The following ELP3 variants were observed in gnomAD, a reference collection of about 807,000 sequenced individuals.
ELP3 encodes elongator complex protein 3.
Under a neutral mutation model 74.9 loss-of-function variants are expected in ELP3, and 56 were observed. The observed-to-expected ratio is 0.75, with a 90% CI of 0.60 to 0.93. ELP3 has a LOEUF of 0.93. ELP3 is among the 40% of genes least tolerant of loss of function. The probability of loss-of-function intolerance (pLI) is 0.00; values close to 1 mark genes in which losing one functional copy is unlikely to be tolerated. For missense variants in ELP3, 573 were observed against 686.5 expected (o/e 0.83, Z 1.85); for synonymous variants, 222 against 239.8 (o/e 0.93, Z 0.68).
intron 2 of ELP3, among the ~76,000 whole-genome samples, chr8:28,098,236 CTA>C (rs1811334744): frequency 6.6e-6 from 1 of 151,862 alleles, no homozygotes; most frequent in Non-Finnish European, 1.5e-5. Context: ...TATATTCACT[CTA>C]TGTAGATCTT....
chr8:28,179,983 A>G (rs1563291510), intron 14 of ELP3, among the ~76,000 whole-genome samples: 1 of 152,198 alleles, frequency 6.6e-6, no homozygotes. Context: ...TGTTGCAGGT[A>G]AGAAATCAGC....
intron 14 of ELP3, among the ~76,000 whole-genome samples, chr8:28,173,343 T>C (rs1321022488): frequency 6.6e-6 from 1 of 152,032 alleles, no homozygotes; most frequent in Non-Finnish European, 1.5e-5. Context: ...TCAGTTTTTA[T>C]GTTTCTAGAA....
intron 11 of ELP3, among the ~76,000 whole-genome samples, chr8:28,157,405 A>C (rs565930528): frequency 1.3e-5 from 2 of 152,314 alleles, no homozygotes; most frequent in East Asian, 3.9e-4. Flanking sequence ...CAGCAGCTAC[A>C]TTAAGTAGAT....
intron 3 of ELP3, among the ~76,000 whole-genome samples, chr8:28,106,005 A>G (rs1265236569): frequency 3.3e-5 from 5 of 152,218 alleles, no homozygotes; most frequent in Admixed American, 2.0e-4. Flanking sequence ...TGAGTCACAA[A>G]GGTTAGGTTT....
intron 13 of ELP3, among the ~76,000 whole-genome samples, chr8:28,161,233 C>G (rs1170038253): frequency 6.6e-6 from 1 of 152,110 alleles, no homozygotes; most frequent in Non-Finnish European, 1.5e-5. Flanking sequence ...GATATACGAG[C>G]CAAAATTGAT....
At chr8:28,164,498 G>A (rs971997596) in intron 14 of ELP3, among the ~76,000 whole-genome samples, 1 of 152,134 alleles carries the variant, frequency 6.6e-6, no homozygotes, top group Non-Finnish European at 1.5e-5. Flanking sequence ...TCTGGGAACA[G>A]CCCTGGAATG....
chr8:28,157,826 G>C (rs1813893693), intron 11 of ELP3, among the ~76,000 whole-genome samples: 1 of 152,178 alleles, frequency 6.6e-6, no homozygotes, highest in African/African-American at 2.4e-5. Context: ...ATAGAAGTGA[G>C]AGCCACATCA....
chr8:28,147,312 C>T lies in ELP3; in HGVS notation c.1101-8630C>T, dbSNP rs532466481. ...GCCTGTGGAGACAGTGCACCTGAAG[C>T]GTGGCCAGCAGCGTGCCTGGCACCT... On this transcript the variant is annotated intron_variant, in intron 10 of 14. Transcript: ENST00000256398. This position sits in a 1 kb window ranked among gnomAD's most constrained non-coding sequence, Gnocchi z 4.5. 8.3e-4 allele frequency among the ~76,000 whole-genome samples: 126 copies of T among 152,354 alleles called. No homozygotes were observed. The highest frequency in any genetic ancestry group is 3.4e-3 in the Middle Eastern group (1 of 294).
intron 14 of ELP3, among the ~76,000 whole-genome samples, chr8:28,164,133 G>A (rs13439050): frequency 1.7e-4 from 26 of 152,098 alleles, no homozygotes; most frequent in African/African-American, 3.6e-4. Flanking sequence ...ACATCATTTC[G>A]TCTGCCTTTA....
At chr8:28,157,598 G>A (rs191766373) in intron 11 of ELP3, among the ~76,000 whole-genome samples, 32 of 152,076 alleles carry the variant, frequency 2.1e-4, no homozygotes, top group African/African-American at 6.3e-4. Flanking sequence ...ATATATAGCA[G>A]TCCTTCATAA....
In ELP3 at chr8:28,187,386, G is replaced by A. The variant is rs974930782; in HGVS notation, c.1568-2263G>A. On this transcript the variant is annotated intron_variant, in intron 14 of 14. Transcript: ENST00000256398. ...CACTCTGGGTACTGGCAGCTCTACA[G>A]TGAATAAAACAAAATCCCTGCCCTC... Among the ~76,000 whole-genome samples, 11 of 152,174 alleles carry A rather than the reference G, an allele frequency of 7.2e-5. No homozygotes were observed. In the South Asian group the frequency reaches 1.0e-3, roughly 14 times the overall value.
At chr8:28,103,161 T>C (rs1306036483) in intron 3 of ELP3, among the ~76,000 whole-genome samples, 1 of 150,938 alleles carries the variant, frequency 6.6e-6, no homozygotes, top group Admixed American at 6.6e-5. Flanking sequence ...CAGAGCGAGA[T>C]TCTGTCTCAA....
At chr8:28,096,258 A>G (rs545074309) in intron 1 of ELP3, among the ~76,000 whole-genome samples, 25 of 152,364 alleles carry the variant, frequency 1.6e-4, no homozygotes, top group African/African-American at 5.0e-4. Flanking sequence ...GGTGAATTGT[A>G]TAATTATTTC....
At chr8:28,134,878 T>G (rs548932456) in intron 9 of ELP3, among the ~76,000 whole-genome samples, 2 of 152,338 alleles carry the variant, frequency 1.3e-5, no homozygotes, top group Non-Finnish European at 2.9e-5. Flanking sequence ...GGCCCCTTAA[T>G]GTACTTGGCT....
intron 1 of ELP3, among the ~76,000 whole-genome samples, chr8:28,093,896 C>A (rs1245849043): frequency 6.6e-6 from 1 of 152,188 alleles, no homozygotes; most frequent in Admixed American, 6.5e-5. Context: ...GGTATCATTT[C>A]CATTTTACAG....
At chr8:28,140,143 T>C (rs2130491173) in intron 10 of ELP3, among the ~76,000 whole-genome samples, 1 of 151,706 alleles carries the variant, frequency 6.6e-6, no homozygotes, top group East Asian at 1.9e-4. Context: ...TGTGTGTGTG[T>C]GTGTGTGTGT....
Position 28,110,289 on chromosome 8 carries a change from GT to G in ELP3, c.394-73del, listed in dbSNP as rs949002711. 1.2e-3 allele frequency: 1,485 copies of G among 1,259,566 alleles called. 9 individuals carry two copies. The African/African-American group carries it at 0.018, about 16-fold the overall frequency. The allele number at this position is 1,259,566 out of a possible 1,614,324, so 78.0% of individuals were successfully genotyped here. On this transcript the variant is annotated intron_variant, in intron 5 of 14. Transcript: ENST00000256398. ...TTTTCAGTGTTCGGAACCATGGAGA[GT>G]TTTTTTTAAAATACAGTCCTTTTGA...
intron 10 of ELP3, among the ~76,000 whole-genome samples, chr8:28,150,585 T>A (rs932721323): frequency 3.3e-5 from 5 of 152,134 alleles, no homozygotes; most frequent in Non-Finnish European, 5.9e-5. Context: ...TTGGATATAA[T>A]TTTTATTTTT....
chr8:28,110,345 G>T lies in ELP3; in HGVS notation c.394-25G>T, dbSNP rs760917897. On this transcript the variant is annotated intron_variant, in intron 5 of 14. Coordinates refer to ENST00000256398, the MANE Select transcript of ELP3 (RefSeq NM_018091.6). ...ACTTTTTAGTTTTAATTCAATGTGG[G>T]CATAACAATATTTTTCTCTTCTAGC... The T allele has an allele frequency of 1.0e-5, 16 of 1,594,332 alleles. No homozygotes were observed. The South Asian group carries it at 1.8e-4, about 18-fold the overall frequency.
Sources: gnomAD v4.1 joint callset for allele counts (sites outside exome capture counted in the v4.1 genomes callset) on GRCh38, gnomAD v4.1.1 for gene constraint, Gnocchi (gnomAD v3.1) non-coding constraint, MANE v1.5 for transcripts, NCBI Gene and HGNC (gene_info 2026-07-23, HGNC 2026-07-21) for gene names.